EMC3: variants seen among roughly 807,000 people sequenced by gnomAD.
The protein encoded by EMC3 is ER membrane protein complex subunit 3.
Under a neutral mutation model 36.6 loss-of-function variants are expected in EMC3, and 13 were observed. The ratio of observed to expected loss-of-function variants is 0.35; its 90% confidence interval spans 0.23 to 0.56. EMC3 has a LOEUF of 0.56. Ranked by LOEUF, EMC3 falls within the 20% of genes least tolerant of loss-of-function variation. The pLI, the probability that EMC3 is intolerant of heterozygous loss-of-function variation, is 0.84. For missense variants in EMC3, 220 were observed against 324.5 expected (o/e 0.68, Z 2.47); for synonymous variants, 120 against 111.9 (o/e 1.07, Z -0.46).
chr3:9,988,097 C>G (rs1358879581), upstream of EMC3: 1 of 560,780 alleles, frequency 1.8e-6, no homozygotes, highest in Non-Finnish European at 3.2e-6. Context: ...GAGCTTAATA[C>G]TTACAACTAC....
At chr3:9,991,933 A>G (rs957983255) in intron 1 of EMC3, among the ~76,000 whole-genome samples, 6 of 152,118 alleles carry the variant, frequency 3.9e-5, no homozygotes, top group Non-Finnish European at 7.4e-5. Flanking sequence ...GCAGTTCACA[A>G]TGGGGTTTGC....
At chr3:9,986,392 GGTCACCCT>G in intron 1 of EMC3, 107 bp downstream of exon 1, 1 of 1,220,712 alleles carries the variant, frequency 8.2e-7, no homozygotes, top group South Asian at 1.4e-5. Context: ...TAACGGGTAA[GGTCACCCT>G]GTCAGAGGGG....
At chr3:9,995,792 C>T (rs1359113350) in intron 1 of EMC3, among the ~76,000 whole-genome samples, 1 of 151,940 alleles carries the variant, frequency 6.6e-6, no homozygotes, top group African/African-American at 2.4e-5. Flanking sequence ...CACGTGTCAC[C>T]ACAATCGGCT....
chr3:9,995,765 G>A (rs1254555353), intron 1 of EMC3, among the ~76,000 whole-genome samples: 2 of 151,718 alleles, frequency 1.3e-5, no homozygotes, highest in Non-Finnish European at 2.9e-5. Context: ...ACCCTTCCAA[G>A]TACCTGGGAC....
chr3:9,986,863 C>G, upstream of EMC3: 4 of 1,372,096 alleles, frequency 2.9e-6, no homozygotes, highest in Non-Finnish European at 2.8e-6. Flanking sequence ...GTTGACGTCA[C>G]GTCGTGGCGC....
chr3:9,966,477 T>C (rs1363360099), intron 7 of EMC3, among the ~76,000 whole-genome samples: 16 of 152,122 alleles, frequency 1.1e-4, no homozygotes. Context: ...CACCTCAGCC[T>C]CCCAAAGTGC....
intron 1 of EMC3, chr3:10,008,714 C>T (rs1461181341): frequency 5.8e-6 from 2 of 343,820 alleles, no homozygotes; most frequent in Admixed American, 8.3e-5. Flanking sequence ...CCCGCACCCA[C>T]ATAGCCACTT....
At position 9,986,708 on chromosome 3, in the gene EMC3, C is replaced by T. The variant is rs2085977678; in HGVS notation, c.-47G>A. 8 of 1,607,488 alleles carry T rather than the reference C, an allele frequency of 5.0e-6. No individual in the cohort carries two copies. The highest frequency in any genetic ancestry group is 6.8e-6 in the Non-Finnish European group (8 of 1,175,978). ...AGTCTGGAATGGGCGAGCTTCTCTT[C>T]TCCGGGGCACAGTTGCTTCTCTTCG... On this transcript the variant is annotated 5_prime_UTR_variant, in exon 1 of 8. Coordinates refer to ENST00000245046, the MANE Select transcript of EMC3 (RefSeq NM_001394674.1).
intron 7 of EMC3, chr3:9,969,280 G>T: frequency 9.3e-7 from 1 of 1,074,348 alleles, no homozygotes; most frequent in Non-Finnish European, 1.1e-6. Flanking sequence ...TTCTCTTTTA[G>T]TTTCTATCAT....
At chr3:9,985,610 G>A (rs1254472488) in intron 1 of EMC3, among the ~76,000 whole-genome samples, 1 of 152,008 alleles carries the variant, frequency 6.6e-6, no homozygotes, top group Non-Finnish European at 1.5e-5. Context: ...ATATTGCAAC[G>A]AGGGGCTGGT....
chr3:9,977,253 G>T, intron 2 of EMC3, 136 bp downstream of exon 2: 2 of 899,086 alleles, frequency 2.2e-6, no homozygotes, highest in Non-Finnish European at 1.7e-6. Flanking sequence ...CACCATGAGA[G>T]CAAACACCAC....
rs944591487 is a variant in EMC3, at chr3:9,986,771, G to A, written c.-110C>T. 19 of 1,532,302 alleles carry A rather than the reference G, an allele frequency of 1.2e-5. No homozygotes were observed. Among genetic ancestry groups the A allele is most frequent in the Middle Eastern group, 2.4e-4 (1 of 4,144 alleles). 94.9% of individuals were successfully genotyped at this position (1,532,302 alleles called of 1,614,324 possible). ...GGCCTTCTCAAGCCCCTTTGCCCGT[G>A]TACCCCAGAACTCTCCTGCGACTGT... On this transcript the variant is annotated 5_prime_UTR_variant, in exon 1 of 8. Coordinates refer to ENST00000245046, the MANE Select transcript of EMC3 (RefSeq NM_001394674.1).
chr3:9,989,670 A>C (rs2086022354), upstream of EMC3, among the ~76,000 whole-genome samples: 1 of 152,248 alleles, frequency 6.6e-6, no homozygotes. Context: ...GAAATATCAA[A>C]GTACTCCAAA....
chr3:9,970,039 A>C (rs1160657772), intron 6 of EMC3, among the ~76,000 whole-genome samples: 1 of 152,212 alleles, frequency 6.6e-6, no homozygotes, highest in African/African-American at 2.4e-5. Context: ...AAATTTCAAC[A>C]ATAACAGCCA....
rs147044173 is a variant in EMC3 at position 10,003,700 on chromosome 3, A to T, written c.-242+7323T>A. 440 of 184,464 alleles carry T rather than the reference A, an allele frequency of 2.4e-3. 3 individuals carry two copies. Among genetic ancestry groups the T allele is most frequent in the African/African-American group, 9.8e-3 (419 of 42,826 alleles). 11.4% of individuals were successfully genotyped at this position (184,464 alleles called of 1,614,324 possible). ...ATTTTAAAGTTACTCTGTCACTTCA[A>T]TATTGTACGGTTGTATCAAGTGATT... On this transcript the variant is annotated intron_variant, in intron 1 of 8. Coordinates refer to the EMC3 transcript ENST00000470827.
intron 1 of EMC3, among the ~76,000 whole-genome samples, chr3:9,997,965 A>C (rs2086148335): frequency 6.6e-6 from 1 of 152,110 alleles, no homozygotes; most frequent in African/African-American, 2.4e-5. Context: ...CATTTTGAGG[A>C]ACCACCACCG....
In EMC3 at chr3:9,980,067, G is replaced by A. The variant is rs558987790; in HGVS notation, c.156-2621C>T. Among the ~76,000 whole-genome samples, 8 of 144,216 alleles carry A rather than the reference G, an allele frequency of 5.5e-5. No individual in the cohort carries two copies. In the East Asian group the frequency reaches 1.6e-3, roughly 29 times the overall value. 94.6% of individuals were successfully genotyped at this position (144,216 alleles called of 152,430 possible). On this transcript the variant is annotated intron_variant, in intron 1 of 7. Transcript: ENST00000245046. ...CTCACTCTGTCTCCCAGGCTGAACT[G>A]CAATGGCGCAATCCCAGCTCAGTGC...
chr3:9,992,880 G>A lies in EMC3; in HGVS notation c.-241-5978C>T, dbSNP rs1445030945. The A allele has an allele frequency of 9.0e-6, 13 of 1,444,182 alleles. No individual in the cohort carries two copies. The East Asian group carries it at 2.5e-4, about 28-fold the overall frequency. The allele number at this position is 1,444,182 out of a possible 1,614,324, so 89.5% of individuals were successfully genotyped here. A position where few individuals can be genotyped will look rare whatever the true frequency, so the allele number is the denominator to read the frequency against. ...CTATTATTGCATATTTATTGACCTGGTGATGCTTTTCATCATCTATAGCAC... is the reference window on the plus strand; with the variant it reads ...CTATTATTGCATATTTATTGACCTGATGATGCTTTTCATCATCTATAGCAC... On this transcript the variant is annotated intron_variant, in intron 1 of 8. Coordinates refer to the EMC3 transcript ENST00000470827.
At chr3:9,997,484 G>C (rs573722166) in intron 1 of EMC3, among the ~76,000 whole-genome samples, 7 of 152,222 alleles carry the variant, frequency 4.6e-5, no homozygotes, top group African/African-American at 1.7e-4. Flanking sequence ...TGTTGAGACG[G>C]AGTCTCACTC....
Sources: gnomAD v4.1 joint callset for allele counts (sites outside exome capture counted in the v4.1 genomes callset) on GRCh38, gnomAD v4.1.1 for gene constraint, MANE v1.5 for transcripts, NCBI Gene and HGNC (gene_info 2026-07-23, HGNC 2026-07-21) for gene names.